The following ZDHHC17 variants were observed in gnomAD, a reference collection of about 807,000 sequenced individuals.
ZDHHC17 encodes palmitoyltransferase ZDHHC17.
Under a neutral mutation model 90.3 loss-of-function variants are expected in ZDHHC17, and 40 were observed. That is an observed-to-expected ratio of 0.44 (90% CI 0.34 to 0.58). The LOEUF (loss-of-function observed/expected upper bound fraction) is 0.58. Among genes scored for constraint, ZDHHC17 ranks in the 20% least tolerant of loss-of-function variants. ZDHHC17 has a pLI of 0.01. For synonymous variants in ZDHHC17, 235 were observed against 252.4 expected (o/e 0.93, Z 0.65); for missense variants, 614 against 780.8 (o/e 0.79, Z 2.55).
intron 10 of ZDHHC17, among the ~76,000 whole-genome samples, chr12:76,831,669 TC>T (rs1953302957): frequency 6.6e-6 from 1 of 151,980 alleles, no homozygotes; most frequent in Admixed American, 6.6e-5. Flanking sequence ...TTTTGAGACA[TC>T]GTCTCACTGT....
intron 15 of ZDHHC17, 41 bp downstream of exon 15, chr12:76,848,431 C>T: frequency 6.3e-7 from 1 of 1,588,472 alleles, no homozygotes; most frequent in African/African-American, 1.3e-5. Flanking sequence ...TAAGTGAAAA[C>T]TCTTCCATCC....
chr12:76,845,649 A>G, intron 12 of ZDHHC17, 60 bp from the exon 13 acceptor site: 1 of 645,374 alleles, frequency 1.5e-6, no homozygotes, highest in South Asian at 3.3e-5. Context: ...GAAAATAAAT[A>G]GTCAGCTTTT....
chr12:76,803,744 G>T (rs74463426), intron 2 of ZDHHC17, among the ~76,000 whole-genome samples: 21,874 of 152,172 alleles, frequency 0.14, 1,956 homozygotes, highest in Non-Finnish European at 0.2. Context: ...GAGTCCCTAG[G>T]GGGTGCATGA....
chr12:76,824,634 A>G (rs1953208364), intron 8 of ZDHHC17, among the ~76,000 whole-genome samples: 1 of 152,158 alleles, frequency 6.6e-6, no homozygotes, highest in African/African-American at 2.4e-5. Flanking sequence ...AAATAAAAAT[A>G]TCATTCCAAA....
At position 76,828,371 on chromosome 12, in the gene ZDHHC17, T is replaced by G. The variant is rs768489490; in HGVS notation, c.1041-19T>G. On this transcript the variant is annotated intron_variant, in intron 9 of 16. Transcript: ENST00000426126. ...AATGAAATATAGAGCTCATATTTTA[T>G]AAAACTTGTGTTTTACAGATCCTTT... 1 of 1,572,436 alleles carries G rather than the reference T, an allele frequency of 6.4e-7. No homozygotes were observed. The highest frequency in any genetic ancestry group is 2.3e-5 in the East Asian group (1 of 43,936).
intron 5 of ZDHHC17, among the ~76,000 whole-genome samples, chr12:76,810,448 T>C (rs986988472): frequency 2.0e-5 from 3 of 152,202 alleles, no homozygotes; most frequent in African/African-American, 7.2e-5. Flanking sequence ...GTGTTTTTTC[T>C]GGTTATATTT....
intron 10 of ZDHHC17, among the ~76,000 whole-genome samples, chr12:76,831,235 C>A (rs1482680788): frequency 1.3e-5 from 2 of 152,266 alleles, no homozygotes; most frequent in East Asian, 3.9e-4. Flanking sequence ...AATAAGTGCA[C>A]CTTATCATTT....
intron 5 of ZDHHC17, 40 bp from the exon 6 acceptor site, chr12:76,815,106 T>A: frequency 1.4e-6 from 2 of 1,476,412 alleles, no homozygotes; most frequent in Non-Finnish European, 1.8e-6. Flanking sequence ...TAGGAACTTA[T>A]AATTTAACTG....
chr12:76,767,070 C>T (rs767396067), intron 1 of ZDHHC17, among the ~76,000 whole-genome samples: 10 of 150,984 alleles, frequency 6.6e-5, no homozygotes, highest in African/African-American at 1.7e-4. Context: ...GCCTAGTTTA[C>T]TTGGCTGTAA....
At chr12:76,813,654 G>A (rs1339950631) in intron 5 of ZDHHC17, among the ~76,000 whole-genome samples, 1 of 151,994 alleles carries the variant, frequency 6.6e-6, no homozygotes, top group African/African-American at 2.4e-5. Flanking sequence ...CCACTGATTG[G>A]TGAATTAGGT....
intron 8 of ZDHHC17, among the ~76,000 whole-genome samples, chr12:76,825,211 G>A (rs1274276694): frequency 6.6e-6 from 1 of 152,158 alleles, no homozygotes; most frequent in Non-Finnish European, 1.5e-5. Context: ...TACGCTAGAT[G>A]TTACCATTGG....
intron 14 of ZDHHC17, 21 bp downstream of exon 14, chr12:76,846,700 G>A (rs985785318): frequency 6.4e-7 from 1 of 1,574,504 alleles, no homozygotes; most frequent in South Asian, 1.2e-5. Flanking sequence ...TTAGTTTTCG[G>A]TCTTTTTAAA....
chr12:76,825,693 C>G (rs1181046449), intron 8 of ZDHHC17, among the ~76,000 whole-genome samples: 1 of 151,846 alleles, frequency 6.6e-6, no homozygotes, highest in East Asian at 1.9e-4. Flanking sequence ...AAAAAAAATC[C>G]CACTTATTTC....
At chr12:76,828,168 A>G (rs1213089663) in intron 9 of ZDHHC17, among the ~76,000 whole-genome samples, 1 of 152,140 alleles carries the variant, frequency 6.6e-6, no homozygotes, top group Non-Finnish European at 1.5e-5. Context: ...ATGGAATGTA[A>G]TTTAAATTTG....
intron 3 of ZDHHC17, among the ~76,000 whole-genome samples, chr12:76,808,133 A>G (rs1024693230): frequency 6.6e-6 from 1 of 152,230 alleles, no homozygotes; most frequent in East Asian, 1.9e-4. Flanking sequence ...AGCATGAATA[A>G]TCACAGGTTA....
chr12:76,848,240 A>C lies in ZDHHC17; in HGVS notation c.1515A>C (p.Gly505=). The C allele has an allele frequency of 6.2e-7, 1 of 1,613,812 alleles. No individual in the cohort carries two copies. Among genetic ancestry groups the C allele is most frequent in the Non-Finnish European group, 8.5e-7 (1 of 1,179,816 alleles). ...WMIYGCISYW[G]LHCETTYTKD... is the part of the protein sequence containing the mutation. ...CTTCTGTTCTGGCTTTAGACTGGGG[A>C]CTCCACTGTGAGACCACTTACACCA... Residue 505 remains glycine, a synonymous_variant, in exon 15 of 17, where the codon GGA becomes GGC. Coordinates refer to ENST00000426126, the MANE Select transcript of ZDHHC17 (RefSeq NM_015336.4).
At chr12:76,771,246 C>T (rs1005511447) in intron 1 of ZDHHC17, among the ~76,000 whole-genome samples, 3 of 152,164 alleles carry the variant, frequency 2.0e-5, no homozygotes, top group African/African-American at 7.2e-5. Context: ...AGTGGAGCCA[C>T]AGGCAGCTAA....
At chr12:76,784,469 T>C (rs1336568843) in intron 1 of ZDHHC17, among the ~76,000 whole-genome samples, 2 of 152,140 alleles carry the variant, frequency 1.3e-5, no homozygotes, top group East Asian at 3.9e-4. Flanking sequence ...ATAACTTGTT[T>C]TAAGAAAGGA....
intron 11 of ZDHHC17, 42 bp from the exon 12 acceptor site, chr12:76,842,877 A>G (rs1419646567): frequency 6.1e-6 from 9 of 1,463,698 alleles, no homozygotes; most frequent in Non-Finnish European, 8.4e-6. Flanking sequence ...GTTGGTGAGC[A>G]TTGTTCAGTT....
Sources: gnomAD v4.1 joint callset for allele counts (sites outside exome capture counted in the v4.1 genomes callset) on GRCh38, gnomAD v4.1.1 for gene constraint, MANE v1.5 for transcripts, NCBI Gene and HGNC (gene_info 2026-07-23, HGNC 2026-07-21) for gene names.